Variants in PLCB1 observed in about 807,000 individuals in gnomAD.
PLCB1 encodes phospholipase C beta 1.
PLCB1 carries 46 observed loss-of-function variants against 161.8 expected under a neutral mutation model. That is an observed-to-expected ratio of 0.28 (90% CI 0.22 to 0.36). The LOEUF is 0.36. PLCB1 is among the 10% of genes least tolerant of loss of function. The pLI is 1.00. For missense variants in PLCB1, 1,016 were observed against 1,472.5 expected (o/e 0.69, Z 5.07); for synonymous variants, 517 against 503.7 (o/e 1.03, Z -0.35).
chr20:8,486,054 T>TG (rs1242066169), intron 3 of PLCB1, among the ~76,000 whole-genome samples: 1 of 151,980 alleles, frequency 6.6e-6, no homozygotes, highest in African/African-American at 2.4e-5. Context: ...GAAGAATGAG[T>TG]GGGGGGAAAA....
chr20:8,814,778 A>T (rs1356439929), intron 31 of PLCB1, among the ~76,000 whole-genome samples: 3 of 152,212 alleles, frequency 2.0e-5, no homozygotes, highest in East Asian at 3.8e-4. Context: ...ATTTTGTATC[A>T]TGTGCACTAC....
At chr20:8,278,280 T>C (rs892124193) in intron 2 of PLCB1, among the ~76,000 whole-genome samples, 1 of 146,698 alleles carries the variant, frequency 6.8e-6, no homozygotes, top group African/African-American at 2.5e-5. Flanking sequence ...ATTATATAAA[T>C]ATATATTTAT....
chr20:8,672,165 A>G (rs574802122), intron 9 of PLCB1, among the ~76,000 whole-genome samples: 42 of 152,270 alleles, frequency 2.8e-4, no homozygotes, highest in African/African-American at 1.0e-3. Flanking sequence ...AACCTTGAGC[A>G]ACCTTATCTT....
At chr20:8,390,792 A>G (rs548627336) in intron 3 of PLCB1, among the ~76,000 whole-genome samples, 1 of 152,208 alleles carries the variant, frequency 6.6e-6, no homozygotes, top group South Asian at 2.1e-4. Flanking sequence ...GAGTATAGTT[A>G]TTAAGGTCAC....
chr20:8,602,896 T>G (rs1413386852), intron 3 of PLCB1, among the ~76,000 whole-genome samples: 1 of 152,216 alleles, frequency 6.6e-6, no homozygotes, highest in East Asian at 1.9e-4. Flanking sequence ...AGAGCTGGTG[T>G]TCAGAGGTGT....
chr20:8,580,463 C>T (rs972306645), intron 3 of PLCB1, among the ~76,000 whole-genome samples: 4 of 152,128 alleles, frequency 2.6e-5, no homozygotes, highest in Admixed American at 2.0e-4. Flanking sequence ...TGTCCTCTTT[C>T]GAGGGTTTTC....
intron 2 of PLCB1, among the ~76,000 whole-genome samples, chr20:8,321,075 G>A (rs1984899929): frequency 6.6e-6 from 1 of 152,092 alleles, no homozygotes. Flanking sequence ...ATATTTTTCT[G>A]TCATCCTCAA....
At chr20:8,614,278 G>T (rs1394705258) in intron 3 of PLCB1, among the ~76,000 whole-genome samples, 1 of 151,810 alleles carries the variant, frequency 6.6e-6, no homozygotes, top group Non-Finnish European at 1.5e-5. Context: ...CTTTGGCCCT[G>T]CAATTACACA....
At chr20:8,847,951 C>A (rs149316531) in intron 31 of PLCB1, among the ~76,000 whole-genome samples, 1 of 152,086 alleles carries the variant, frequency 6.6e-6, no homozygotes, top group Non-Finnish European at 1.5e-5. Flanking sequence ...AAAATCAAGG[C>A]GCCAGCAGGT....
chr20:8,584,907 T>G (rs893784869), intron 3 of PLCB1, among the ~76,000 whole-genome samples: 5 of 152,176 alleles, frequency 3.3e-5, no homozygotes, highest in African/African-American at 1.2e-4. Context: ...GTCAGGCTGG[T>G]CTTGATCTCC....
At chr20:8,879,723 A>G (rs1384770594) in intron 31 of PLCB1, among the ~76,000 whole-genome samples, 1 of 152,214 alleles carries the variant, frequency 6.6e-6, no homozygotes, top group East Asian at 1.9e-4. Context: ...CACAGAAGTG[A>G]GAGTGAAAGG....
chr20:8,376,438 CTT>C (rs1568652691), intron 3 of PLCB1, among the ~76,000 whole-genome samples: 3 of 152,190 alleles, frequency 2.0e-5, no homozygotes, highest in Middle Eastern at 6.8e-3. Context: ...AACATGATAG[CTT>C]TTTTACTTCA....
intron 2 of PLCB1, among the ~76,000 whole-genome samples, chr20:8,296,587 G>A (rs1403722799): frequency 1.3e-5 from 2 of 152,170 alleles, no homozygotes; most frequent in Non-Finnish European, 2.9e-5. Context: ...GTGATTTAAG[G>A]AAAAAGAAGG....
intron 2 of PLCB1, among the ~76,000 whole-genome samples, chr20:8,338,777 G>A (rs1276530912): frequency 6.6e-6 from 1 of 152,036 alleles, no homozygotes; most frequent in South Asian, 2.1e-4. Context: ...AAATTCTCTT[G>A]TGCCCTCTTC....
At chr20:8,441,792 G>A (rs1043058266) in intron 3 of PLCB1, among the ~76,000 whole-genome samples, 4 of 152,146 alleles carry the variant, frequency 2.6e-5, no homozygotes, top group African/African-American at 9.7e-5. Context: ...GGATGATCAT[G>A]AAACTCTTTA....
chr20:8,204,374 T>C lies in PLCB1; in HGVS notation c.177+54003T>C, dbSNP rs575908037. 5.3e-5 allele frequency among the ~76,000 whole-genome samples: 8 copies of C among 152,252 alleles called. No homozygotes were observed. In the South Asian group the frequency reaches 1.2e-3, roughly 24 times the overall value. ...TGATCATTCATCCTGTCATTTCTCA[T>C]AGAAGGAGACAGAATTGTTTACTGA... On this transcript the variant is annotated intron_variant, in intron 2 of 31. Coordinates refer to ENST00000338037, the MANE Select transcript of PLCB1 (RefSeq NM_015192.4).
At chr20:8,867,973 A>G (rs931377865) in intron 31 of PLCB1, among the ~76,000 whole-genome samples, 5 of 152,174 alleles carry the variant, frequency 3.3e-5, no homozygotes, top group Non-Finnish European at 7.3e-5. Context: ...CTATTATTAT[A>G]GTAAATAATT....
chr20:8,412,574 T>C (rs892303470), intron 3 of PLCB1, among the ~76,000 whole-genome samples: 1 of 152,150 alleles, frequency 6.6e-6, no homozygotes, highest in Admixed American at 6.5e-5. Flanking sequence ...TCTTAGAGGA[T>C]TTTATGGTCT....
intron 2 of PLCB1, among the ~76,000 whole-genome samples, chr20:8,260,000 A>G (rs1052636948): frequency 2.6e-5 from 4 of 152,160 alleles, no homozygotes; most frequent in African/African-American, 9.7e-5. Flanking sequence ...AAATCAGTCT[A>G]TCTGGATGTG....
Sources: allele counts gnomAD v4.1 joint callset (sites outside exome capture counted in the v4.1 genomes callset), GRCh38; gene constraint gnomAD v4.1.1; transcripts MANE v1.5; gene names NCBI Gene and HGNC (gene_info 2026-07-23, HGNC 2026-07-21).